UQCC1: variants seen among roughly 807,000 people sequenced by gnomAD.
UQCC1 encodes the protein ubiquinol-cytochrome c reductase complex assembly factor 1, also known as bFGF-repressed Zic-binding protein.
A neutral mutation model predicts 48.0 loss-of-function variants in UQCC1; 38 were observed. The observed-to-expected ratio is 0.79, with a 90% CI of 0.61 to 1.04. UQCC1 has a LOEUF of 1.04. UQCC1 is among the 50% of genes least tolerant of loss of function. The pLI is 0.00. For missense variants in UQCC1, 368 were observed against 381.8 expected, an observed-to-expected ratio of 0.96 and a Z score of 0.30; for synonymous variants, 111 against 129.2, an observed-to-expected ratio of 0.86 and a Z score of 0.95.
At position 35,303,948 on chromosome 20, in the gene UQCC1, T is replaced by C; in HGVS notation, c.887A>G (p.Asp296Gly). The C allele has an allele frequency of 6.2e-7, 1 of 1,614,162 alleles. No individual in the cohort carries two copies. The highest frequency in any genetic ancestry group is 8.5e-7 in the Non-Finnish European group (1 of 1,180,022). Residue 296 changes from aspartate (D) to glycine (G), a missense_variant, in exon 10 of 10, where the codon GAC becomes GGC. Coordinates refer to ENST00000374385, the MANE Select transcript of UQCC1 (RefSeq NM_018244.5). ...GGGCCCAGCCCATCAAAGTCCCTCGTCGTTGTAAGTCGGAGAATGGGGCTT... is the reference window on the plus strand; with the variant it reads ...GGGCCCAGCCCATCAAAGTCCCTCGCCGTTGTAAGTCGGAGAATGGGGCTT... ...ILKPHSPTYN[D>G]EGL
chr20:35,331,887 C>T (rs2061261156), intron 7 of UQCC1, among the ~76,000 whole-genome samples: 1 of 152,172 alleles, frequency 6.6e-6, no homozygotes, highest in Admixed American at 6.5e-5. Context: ...CTGATAGCTC[C>T]CATTTATCAA....
chr20:35,377,554 T>G (rs924490519), intron 4 of UQCC1, among the ~76,000 whole-genome samples: 15 of 152,236 alleles, frequency 9.9e-5, no homozygotes, highest in Admixed American at 9.8e-4. Context: ...GGCACTGATC[T>G]GGATGATGAG....
intron 7 of UQCC1, among the ~76,000 whole-genome samples, chr20:35,323,187 T>C (rs2061151649): frequency 6.6e-6 from 1 of 152,194 alleles, no homozygotes; most frequent in Non-Finnish European, 1.5e-5. Flanking sequence ...CCTTTCTGCT[T>C]CTGATGAGTC....
Position 35,411,954 on chromosome 20 carries a change from G to A in UQCC1, c.10C>T (p.Leu4=). ...CCTTCACTCACAAGGACTCGCACCA[G>A]CAACGCCATGTTCCTCAATAACCAT... is the stretch of plus-strand genomic sequence containing the variant. MAL[L]VRVLRNQTSI... The change falls in exon 1 of 10, where the codon CTG becomes TTG. Residue 4 remains leucine, a synonymous_variant. Transcript: ENST00000374385. 3 of 1,614,212 alleles carry A rather than the reference G, an allele frequency of 1.9e-6. No individual in the cohort carries two copies. In the South Asian group the frequency reaches 3.3e-5, roughly 18 times the overall value.
chr20:35,306,790 C>A lies in UQCC1; in HGVS notation c.652-11G>T. 1.2e-6 allele frequency: 2 copies of A among 1,602,362 alleles called. No homozygotes were observed. Among genetic ancestry groups the A allele is most frequent in the Middle Eastern group, 1.7e-4 (1 of 6,042 alleles). ...ATCTGAAAGGATCCCCTGGAACATA[C>A]AGCACAGCAGTGGTCTCCTGAGGGA... On this transcript the variant is annotated splice_polypyrimidine_tract_variant and intron_variant, in intron 8 of 9. Coordinates refer to ENST00000374385, the MANE Select transcript of UQCC1 (RefSeq NM_018244.5).
At chr20:35,377,937 C>T (rs1364075395) in intron 4 of UQCC1, among the ~76,000 whole-genome samples, 1 of 152,214 alleles carries the variant, frequency 6.6e-6, no homozygotes, top group Admixed American at 6.5e-5. Context: ...TTTCCTGCTG[C>T]AAGGCCAAGC....
intron 1 of UQCC1, among the ~76,000 whole-genome samples, chr20:35,404,013 G>A (rs1365067548): frequency 4.6e-5 from 7 of 152,032 alleles, no homozygotes; most frequent in Admixed American, 1.3e-4. Context: ...CGAGGAGGGC[G>A]GATCACAAGG....
At position 35,354,436 on chromosome 20, in the gene UQCC1, G is replaced by A. The variant is rs148093440; in HGVS notation, c.465-7164C>T. Among the ~76,000 whole-genome samples the A allele has an allele frequency of 8.3e-3, 1,208 of 145,674 alleles. 22 individuals are homozygous for A. The highest frequency in any genetic ancestry group is 0.029 in the African/African-American group (1,149 of 39,394). On this transcript the variant is annotated intron_variant, in intron 6 of 9. Transcript: ENST00000374385. ...TTTTGAGACAGAGTCTTGCTCTGTC[G>A]CCCAGGCTGGAGTGCACTGACGCAA...
chr20:35,357,741 AAAAAT>A (rs1319854653), intron 6 of UQCC1, among the ~76,000 whole-genome samples: 1 of 152,040 alleles, frequency 6.6e-6, no homozygotes, highest in Non-Finnish European at 1.5e-5. Context: ...AATGGTTAAT[AAAAAT>A]AAAAGACTTG....
At chr20:35,322,483 C>T (rs1186429609) in intron 7 of UQCC1, among the ~76,000 whole-genome samples, 1 of 152,196 alleles carries the variant, frequency 6.6e-6, no homozygotes, top group Non-Finnish European at 1.5e-5. Context: ...CCTGTAATCT[C>T]AGCACTCTGG....
Position 35,381,844 on chromosome 20 carries a change from G to C in UQCC1, c.333+74C>G, listed in dbSNP as rs2061873226. ...TGAATTCCATGAAAGCAAAGCAGAA[G>C]CTTTAAAAAATCTATTAGGAGCAGA... On this transcript the variant is annotated intron_variant, in intron 4 of 9. Transcript: ENST00000374385. 7.9e-6 allele frequency: 7 copies of C among 890,874 alleles called. No individual in the cohort carries two copies. The East Asian group carries it at 1.7e-4, about 22-fold the overall frequency. The allele number at this position is 890,874 out of a possible 1,614,324, so 55.2% of individuals were successfully genotyped here.
At chr20:35,366,693 C>T (rs943709686) in intron 5 of UQCC1, 79 bp from the exon 6 acceptor site, 7 of 1,262,140 alleles carry the variant, frequency 5.5e-6, no homozygotes, top group Admixed American at 3.5e-5. Flanking sequence ...TTGGCAGGCA[C>T]GGCACTTATG....
At chr20:35,362,341 C>T (rs1044941563) in intron 6 of UQCC1, among the ~76,000 whole-genome samples, 1 of 152,098 alleles carries the variant, frequency 6.6e-6, no homozygotes, top group African/African-American at 2.4e-5. Flanking sequence ...GATGTGAATG[C>T]CATGATATGA....
chr20:35,367,029 G>A (rs774754548), intron 5 of UQCC1, among the ~76,000 whole-genome samples: 1 of 150,126 alleles, frequency 6.7e-6, no homozygotes, highest in Non-Finnish European at 1.5e-5. Context: ...GGGAGGCGGA[G>A]GTTGCAGTGA....
At chr20:35,349,575 C>T (rs2061468372) in intron 6 of UQCC1, among the ~76,000 whole-genome samples, 1 of 152,156 alleles carries the variant, frequency 6.6e-6, no homozygotes, top group African/African-American at 2.4e-5. Context: ...ATACTATCCA[C>T]AGTTTTGAAC....
chr20:35,338,882 A>ATAT (rs1568666102), intron 7 of UQCC1, among the ~76,000 whole-genome samples: 15 of 60,158 alleles, frequency 2.5e-4, no homozygotes, highest in African/African-American at 4.3e-4. Flanking sequence ...AAAAAAAAAA[A>ATAT]AAAAAAAAAA....
chr20:35,383,932 A>T, intron 3 of UQCC1, 106 bp downstream of exon 3: 1 of 897,046 alleles, frequency 1.1e-6, no homozygotes, highest in Non-Finnish European at 1.7e-6. Context: ...CCTGAGCCTC[A>T]CCTTCTGCAT....
At chr20:35,387,952 T>C (rs1417761822) in intron 2 of UQCC1, among the ~76,000 whole-genome samples, 4 of 152,054 alleles carry the variant, frequency 2.6e-5, no homozygotes, top group African/African-American at 7.2e-5. Context: ...TTTACTTATG[T>C]TATCTCACAA....
intron 6 of UQCC1, among the ~76,000 whole-genome samples, chr20:35,361,768 G>A (rs1487981313): frequency 6.6e-6 from 1 of 152,014 alleles, no homozygotes; most frequent in Non-Finnish European, 1.5e-5. Context: ...TGTAAAATGA[G>A]AATAAAGTAG....
Sources: gnomAD v4.1 joint callset for allele counts (sites outside exome capture counted in the v4.1 genomes callset) on GRCh38, gnomAD v4.1.1 for gene constraint, MANE v1.5 for transcripts, NCBI Gene and HGNC (gene_info 2026-07-23, HGNC 2026-07-21) for gene names.